The following OPN5 variants were observed in gnomAD, a reference collection of about 807,000 sequenced individuals.
OPN5 encodes the protein opsin 5, also known as opsin-5.
OPN5 carries 18 observed loss-of-function variants against 41.7 expected under a neutral mutation model. The ratio of observed to expected loss-of-function variants is 0.43; its 90% confidence interval spans 0.30 to 0.64. The LOEUF is 0.64. Ranked by LOEUF, OPN5 falls within the 30% of genes least tolerant of loss-of-function variation. OPN5 has a pLI of 0.13. For synonymous variants in OPN5, 178 were observed against 164.3 expected, an observed-to-expected ratio of 1.08 and a Z score of -0.64; for missense variants, 318 against 434.5, an observed-to-expected ratio of 0.73 and a Z score of 2.38.
chr6:47,788,248 C>T (rs1210721947), intron 2 of OPN5, among the ~76,000 whole-genome samples: 2 of 152,236 alleles, frequency 1.3e-5, no homozygotes, highest in Non-Finnish European at 2.9e-5. Context: ...GCAACAGGAA[C>T]GGTAGCTTTC....
chr6:47,792,283 G>T (rs574588519), intron 3 of OPN5, among the ~76,000 whole-genome samples: 1 of 152,308 alleles, frequency 6.6e-6, no homozygotes, highest in African/African-American at 2.4e-5. Context: ...GAAATAAAGT[G>T]CATCGAAAGG....
intron 5 of OPN5, 46 bp from the exon 6 acceptor site, chr6:47,811,628 G>A (rs1384685233): frequency 8.3e-7 from 1 of 1,208,244 alleles, no homozygotes; most frequent in Non-Finnish European, 1.2e-6. Context: ...ATTTATGTGT[G>A]TGTATATGTA....
chr6:47,811,794 T>C (rs943957174), intron 6 of OPN5, 63 bp downstream of exon 6: 10 of 1,005,484 alleles, frequency 9.9e-6, no homozygotes, highest in Admixed American at 1.8e-5. Context: ...TCTTCACTGC[T>C]GTAAACATTT....
At chr6:47,792,845 G>T (rs1207461579) in intron 3 of OPN5, among the ~76,000 whole-genome samples, 4 of 152,012 alleles carry the variant, frequency 2.6e-5, no homozygotes, top group African/African-American at 4.8e-5. Flanking sequence ...GAAAAATCAA[G>T]TTGACCTGAC....
At chr6:47,798,201 G>A (rs1055698277) in intron 4 of OPN5, among the ~76,000 whole-genome samples, 2 of 152,020 alleles carry the variant, frequency 1.3e-5, no homozygotes. Context: ...ATATAAACCT[G>A]TATTAAAATA....
chr6:47,813,855 T>C lies in OPN5; in HGVS notation c.1056+2124T>C, dbSNP rs527715946. On this transcript the variant is annotated intron_variant, in intron 6 of 6. Coordinates refer to ENST00000371211, the Ensembl canonical transcript of OPN5. ...TGAGGATAACTTGGGGCCATCTGCT[T>C]AGGAAATAATGTAGATAACGGTGTC... is the stretch of plus-strand genomic sequence containing the variant. Among the ~76,000 whole-genome samples the C allele has an allele frequency of 5.3e-4, 80 of 152,174 alleles. 1 individual carries two copies. In the South Asian group the frequency reaches 0.016, roughly 30 times the overall value.
chr6:47,787,957 C>T (rs188193056), intron 2 of OPN5, among the ~76,000 whole-genome samples: 22 of 152,294 alleles, frequency 1.4e-4, no homozygotes, highest in Admixed American at 7.8e-4. Context: ...CTGCCGATCT[C>T]TAAAAACAAG....
At chr6:47,817,480 T>C (rs1310656243) in intron 6 of OPN5, among the ~76,000 whole-genome samples, 1 of 152,112 alleles carries the variant, frequency 6.6e-6, no homozygotes, top group Non-Finnish European at 1.5e-5. Context: ...TTAATGTCTG[T>C]GTATGATGTT....
chr6:47,821,836 C>T (rs879323075), intron 6 of OPN5, among the ~76,000 whole-genome samples: 2 of 151,992 alleles, frequency 1.3e-5, no homozygotes, highest in Non-Finnish European at 2.9e-5. Flanking sequence ...CAGGTGAGGC[C>T]AGGCATGGTG....
chr6:47,806,105 G>T (rs560126651), intron 4 of OPN5, among the ~76,000 whole-genome samples: 1 of 151,988 alleles, frequency 6.6e-6, no homozygotes, highest in Non-Finnish European at 1.5e-5. Context: ...AGATTGAGGG[G>T]TGCTGGTGAT....
chr6:47,795,542 G>T (rs543129399), exon 4 of OPN5: 143 of 1,613,198 alleles, frequency 8.9e-5, no homozygotes, highest in African/African-American at 1.5e-4. Flanking sequence ...GCAGCCATGT[G>T]CTGGAAATGA....
intron 5 of OPN5, among the ~76,000 whole-genome samples, chr6:47,808,754 T>C (rs1774076278): frequency 6.7e-6 from 1 of 149,592 alleles, no homozygotes; most frequent in African/African-American, 2.5e-5. Flanking sequence ...GATCTCACAA[T>C]AGAATGGTTC....
intron 6 of OPN5, among the ~76,000 whole-genome samples, chr6:47,822,511 G>A (rs543413953): frequency 4.6e-5 from 7 of 152,204 alleles, no homozygotes; most frequent in South Asian, 2.1e-4. Context: ...CAATTTTTAC[G>A]CTGAAATGAA....
chr6:47,804,227 C>T (rs147469777), intron 4 of OPN5, among the ~76,000 whole-genome samples: 131 of 152,052 alleles, frequency 8.6e-4, no homozygotes, highest in African/African-American at 3.1e-3. Context: ...TGTGAATTTC[C>T]GCCCACAAAA....
intron 2 of OPN5, among the ~76,000 whole-genome samples, chr6:47,788,605 A>G (rs1406390908): frequency 1.3e-5 from 2 of 152,136 alleles, no homozygotes; most frequent in Non-Finnish European, 2.9e-5. Context: ...CCTTCCAATA[A>G]ACGTTAAAAC....
chr6:47,787,121 A>T, intron 2 of OPN5: 9 of 982,200 alleles, frequency 9.2e-6, no homozygotes, highest in Non-Finnish European at 1.1e-5. Context: ...TGCCCTGCTG[A>T]TGATATATGT....
intron 4 of OPN5, among the ~76,000 whole-genome samples, chr6:47,806,187 A>G (rs1305411751): frequency 6.6e-6 from 1 of 152,046 alleles, no homozygotes; most frequent in African/African-American, 2.4e-5. Flanking sequence ...CAACCCCCCC[A>G]AAAAACAAAT....
chr6:47,811,591 T>C, intron 5 of OPN5, 83 bp from the exon 6 acceptor site: 1 of 752,442 alleles, frequency 1.3e-6, no homozygotes, highest in African/African-American at 1.7e-5. Context: ...GTTTGACATA[T>C]ACATATGTAT....
rs143785151 is a variant in OPN5 at position 47,823,872 on chromosome 6, G to C, written c.1057-111G>C. 2.5e-4 allele frequency: 198 copies of C among 797,260 alleles called. No individual in the cohort carries two copies. In the East Asian group the frequency reaches 3.9e-3, roughly 16 times the overall value. 49.4% of individuals were successfully genotyped at this position (797,260 alleles called of 1,614,324 possible). ...AGTGACAATGTCCATCGCAATCCTG[G>C]TTCTTTTGGTGTGTGTGTGTGGTAT... On this transcript the variant is annotated intron_variant, in intron 6 of 6. Transcript: ENST00000371211.
Sources: allele counts gnomAD v4.1 joint callset (sites outside exome capture counted in the v4.1 genomes callset), GRCh38; gene constraint gnomAD v4.1.1; transcripts MANE v1.5; gene names NCBI Gene and HGNC (gene_info 2026-07-23, HGNC 2026-07-21).